Variants in DCUN1D4 observed in about 807,000 individuals in gnomAD.
The protein encoded by DCUN1D4 is defective in cullin neddylation 1 domain containing 4, also known as DCN1-like protein 4.
DCUN1D4 carries 22 observed loss-of-function variants against 47.9 expected under a neutral mutation model. The observed-to-expected ratio is 0.46, with a 90% CI of 0.33 to 0.66. The LOEUF is 0.66. DCUN1D4 is among the 30% of genes least tolerant of loss of function. DCUN1D4 has a pLI of 0.02. For synonymous variants in DCUN1D4, 121 were observed against 112.2 expected, an observed-to-expected ratio of 1.08 and a Z score of -0.50; for missense variants, 301 against 340.8, an observed-to-expected ratio of 0.88 and a Z score of 0.92.
chr4:51,903,115 C>G (rs1051083480), intron 8 of DCUN1D4, among the ~76,000 whole-genome samples: 1 of 152,094 alleles, frequency 6.6e-6, no homozygotes, highest in Non-Finnish European at 1.5e-5. Flanking sequence ...CCAAATATAT[C>G]ATATATATCT....
chr4:51,895,539 C>T (rs1578011131), intron 7 of DCUN1D4, among the ~76,000 whole-genome samples: 2 of 117,170 alleles, frequency 1.7e-5, no homozygotes, highest in East Asian at 2.6e-4. Context: ...ATGAATTAAG[C>T]TAATTGTGGT....
At chr4:51,901,319 T>C (rs192659727) in intron 8 of DCUN1D4, among the ~76,000 whole-genome samples, 2 of 152,272 alleles carry the variant, frequency 1.3e-5, no homozygotes, top group East Asian at 3.9e-4. Flanking sequence ...GAAAGTGCGC[T>C]TCAGCAAAGG....
chr4:51,886,555 C>T lies in DCUN1D4; in HGVS notation c.344-13C>T. The stretch of plus-strand genomic sequence containing the variant: ...ATGGTCAGATTTAATTTACATAAGA[C>T]TGTATTTCACAGGAACTGATGATGT... On this transcript the variant is annotated splice_polypyrimidine_tract_variant and intron_variant, in intron 5 of 10. Coordinates refer to ENST00000334635, the MANE Select transcript of DCUN1D4 (RefSeq NM_001040402.3). 6.2e-7 allele frequency: 1 copy of T among 1,612,284 alleles called. No homozygotes were observed. Among genetic ancestry groups the T allele is most frequent in the East Asian group, 2.2e-5 (1 of 44,800 alleles).
intron 1 of DCUN1D4, chr4:51,843,740 C>T: frequency 2.1e-6 from 2 of 940,698 alleles, no homozygotes; most frequent in African/African-American, 2.3e-5. Flanking sequence ...GTGAGAAAGG[C>T]GGGTGAGTGC....
At chr4:51,913,443 C>T in intron 10 of DCUN1D4, 51 bp downstream of exon 10, 1 of 1,575,548 alleles carries the variant, frequency 6.3e-7, no homozygotes, top group Non-Finnish European at 8.7e-7. Context: ...CTATATCATC[C>T]TCATTGGGAA....
In DCUN1D4 at chr4:51,844,785, G is replaced by C. The variant is rs1394137210; in HGVS notation, c.25+1518G>C. 3 of 973,456 alleles carry C rather than the reference G, an allele frequency of 3.1e-6. No homozygotes were observed. The Admixed American group carries it at 1.8e-4, about 60-fold the overall frequency. The allele number at this position is 973,456 out of a possible 1,614,324, so 60.3% of individuals were successfully genotyped here. On this transcript the variant is annotated intron_variant, in intron 1 of 10. Coordinates refer to ENST00000334635, the MANE Select transcript of DCUN1D4 (RefSeq NM_001040402.3). The stretch of plus-strand genomic sequence containing the variant: ...GCGGTCCCGCCGAATTCTGGGACTT[G>C]TAGTCGCGGCCGCGCCCGGCCGCGG...
chr4:51,874,535 T>C (rs1032515800), intron 4 of DCUN1D4, 150 bp downstream of exon 4: 6 of 491,638 alleles, frequency 1.2e-5, no homozygotes, highest in Admixed American at 7.7e-5. Context: ...TATTTAATCA[T>C]GTTTATTTTG....
chr4:51,867,401 C>T (rs971451012), intron 3 of DCUN1D4, among the ~76,000 whole-genome samples: 1 of 152,216 alleles, frequency 6.6e-6, no homozygotes, highest in Non-Finnish European at 1.5e-5. Flanking sequence ...TCTTTTAGTC[C>T]TGCCATTTGG....
chr4:51,889,140 A>G (rs1730029200), intron 6 of DCUN1D4, among the ~76,000 whole-genome samples: 1 of 152,140 alleles, frequency 6.6e-6, no homozygotes, highest in Non-Finnish European at 1.5e-5. Context: ...ATATTATCCA[A>G]ATATTTATAC....
At chr4:51,895,560 A>T (rs1166415651) in intron 7 of DCUN1D4, among the ~76,000 whole-genome samples, 1 of 356 alleles carries the variant, frequency 2.8e-3, no homozygotes, top group Non-Finnish European at 8.9e-3. Flanking sequence ...GCTTAAACTT[A>T]AAAAAAAAAA....
At chr4:51,874,802 A>G (rs1372388681) in intron 4 of DCUN1D4, 1 of 154,138 alleles carries the variant, frequency 6.5e-6, no homozygotes, top group Non-Finnish European at 1.4e-5. Context: ...ATATCAGCCA[A>G]GCTGAGGTTT....
At chr4:51,895,788 A>G (rs1731177526) in intron 7 of DCUN1D4, among the ~76,000 whole-genome samples, 1 of 152,064 alleles carries the variant, frequency 6.6e-6, no homozygotes. Context: ...CATTGTGTGC[A>G]TTTTTTTGTG....
intron 1 of DCUN1D4, chr4:51,843,761 C>T (rs1368556237): frequency 6.7e-6 from 4 of 592,888 alleles, no homozygotes; most frequent in Non-Finnish European, 8.2e-6. Flanking sequence ...GAGGGGGGCG[C>T]GGGGGCGGGG....
intron 1 of DCUN1D4, among the ~76,000 whole-genome samples, chr4:51,849,968 A>G (rs1723132944): frequency 6.6e-6 from 1 of 152,160 alleles, no homozygotes; most frequent in Non-Finnish European, 1.5e-5. Context: ...GTATTATAAA[A>G]TTATACTCAT....
At chr4:51,868,104 C>T (rs898748277) in intron 3 of DCUN1D4, among the ~76,000 whole-genome samples, 19 of 152,210 alleles carry the variant, frequency 1.2e-4, no homozygotes, top group South Asian at 2.1e-4. Flanking sequence ...ACTCTGATAA[C>T]GGACAAAGCA....
chr4:51,899,520 C>A, intron 8 of DCUN1D4, 142 bp downstream of exon 8: 1 of 1,456,326 alleles, frequency 6.9e-7, no homozygotes, highest in Non-Finnish European at 9.0e-7. Flanking sequence ...TTTCTTTCTA[C>A]ATGTATGCTT....
intron 8 of DCUN1D4, chr4:51,905,422 A>G (rs1445380732): frequency 4.9e-6 from 1 of 203,144 alleles, no homozygotes; most frequent in Non-Finnish European, 1.1e-5. Context: ...ACAAGGGCCA[A>G]CATGATCAGT....
chr4:51,844,783 T>A, intron 1 of DCUN1D4: 4 of 970,024 alleles, frequency 4.1e-6, no homozygotes, highest in Non-Finnish European at 4.9e-6. Flanking sequence ...ATTCTGGGAC[T>A]TGTAGTCGCG....
rs1002566191 is a variant in DCUN1D4 at position 51,899,475 on chromosome 4, C to T, written c.615+97C>T. 69 of 1,482,180 alleles carry T rather than the reference C, an allele frequency of 4.7e-5. No homozygotes were observed. In the African/African-American group the frequency reaches 9.9e-4, roughly 21 times the overall value. 91.8% of individuals were successfully genotyped at this position (1,482,180 alleles called of 1,614,324 possible). ...GTTTTTACATGCCACAGCAAAAAAA[C>T]TTGAATAAGTTAACTCCCAGGATGC... On this transcript the variant is annotated intron_variant, in intron 8 of 10. Transcript: ENST00000334635.
Sources: gnomAD v4.1 joint callset for allele counts (sites outside exome capture counted in the v4.1 genomes callset) on GRCh38, gnomAD v4.1.1 for gene constraint, MANE v1.5 for transcripts, NCBI Gene and HGNC (gene_info 2026-07-23, HGNC 2026-07-21) for gene names.